Variants in NDUFAF2 observed in about 807,000 individuals in gnomAD.
The protein encoded by NDUFAF2 is NADH:ubiquinone oxidoreductase complex assembly factor 2, also known as NADH dehydrogenase [ubiquinone] 1 alpha subcomplex assembly factor 2.
NDUFAF2 carries 13 observed loss-of-function variants against 22.8 expected under a neutral mutation model. That is an observed-to-expected ratio of 0.57 (90% CI 0.37 to 0.91). The LOEUF (loss-of-function observed/expected upper bound fraction) is 0.91, where lower values mean the gene tolerates loss of function less well. NDUFAF2 is among the 40% of genes least tolerant of loss of function. The pLI, the probability that NDUFAF2 is intolerant of heterozygous loss-of-function variation, is 0.01. For synonymous variants in NDUFAF2, 53 were observed against 64.2 expected (o/e 0.83, Z 0.84); for missense variants, 162 against 195.2 (o/e 0.83, Z 1.01).
chr5:61,040,205 G>A lies in NDUFAF2; in HGVS notation c.128-32920G>A, dbSNP rs1751853489. 3.3e-5 allele frequency among the ~76,000 whole-genome samples: 5 copies of A among 149,472 alleles called. No individual in the cohort carries two copies. The South Asian group carries it at 1.1e-3, about 32-fold the overall frequency. The stretch of plus-strand genomic sequence containing the variant: ...TAAGTTAAGATGGGATCAGATTATG[G>A]TCGACTCTAAATCTAATGACTGGTA... On this transcript the variant is annotated intron_variant, in intron 1 of 3. Coordinates refer to ENST00000296597, the MANE Select transcript of NDUFAF2 (RefSeq NM_174889.5).
chr5:61,048,936 T>A (rs1751989167), intron 1 of NDUFAF2, among the ~76,000 whole-genome samples: 1 of 152,138 alleles, frequency 6.6e-6, no homozygotes, highest in Non-Finnish European at 1.5e-5. Context: ...TCAGGCTGCG[T>A]GGTTATGTCT....
chr5:61,083,599 G>A (rs896517030), intron 2 of NDUFAF2, among the ~76,000 whole-genome samples: 9 of 145,080 alleles, frequency 6.2e-5, no homozygotes, highest in African/African-American at 2.2e-4. Context: ...ACCATGTTGA[G>A]ATCCTGACCT....
chr5:61,046,433 T>C (rs1443636014), intron 1 of NDUFAF2, among the ~76,000 whole-genome samples: 1 of 152,156 alleles, frequency 6.6e-6, no homozygotes, highest in African/African-American at 2.4e-5. Flanking sequence ...TGAGCTTTTC[T>C]TTGATGGGAG....
intron 1 of NDUFAF2, 159 bp downstream of exon 1, chr5:60,945,541 C>A: frequency 8.9e-7 from 1 of 1,123,226 alleles, no homozygotes; most frequent in South Asian, 1.4e-5. Context: ...GACCCCTTCA[C>A]TCTGGCATCG....
At chr5:60,985,519 C>T (rs1257398410) in intron 1 of NDUFAF2, among the ~76,000 whole-genome samples, 2 of 152,092 alleles carry the variant, frequency 1.3e-5, no homozygotes, top group Non-Finnish European at 2.9e-5. Flanking sequence ...CTTGCTTTCT[C>T]TTGTGGGCAT....
chr5:61,091,739 G>T (rs919963718), intron 2 of NDUFAF2, among the ~76,000 whole-genome samples: 2 of 151,920 alleles, frequency 1.3e-5, no homozygotes, highest in Non-Finnish European at 2.9e-5. Flanking sequence ...ATTTTGTTTT[G>T]AGAATTGGTG....
chr5:61,088,011 G>C (rs559244099), intron 2 of NDUFAF2, among the ~76,000 whole-genome samples: 1 of 152,160 alleles, frequency 6.6e-6, no homozygotes, highest in Non-Finnish European at 1.5e-5. Flanking sequence ...TCAACCCAAG[G>C]CTGGGTTCTC....
At chr5:61,147,669 C>G (rs1342711755) in intron 3 of NDUFAF2, among the ~76,000 whole-genome samples, 2 of 151,898 alleles carry the variant, frequency 1.3e-5, no homozygotes, top group African/African-American at 4.8e-5. Context: ...ACTGTACTTT[C>G]CAATATAGTG....
chr5:61,025,842 CTT>C (rs1421369268), intron 1 of NDUFAF2, among the ~76,000 whole-genome samples: 7 of 151,984 alleles, frequency 4.6e-5, no homozygotes, highest in South Asian at 2.1e-4. Flanking sequence ...AAATAAGTCT[CTT>C]GGGGTGAAAA....
chr5:61,079,951 G>A (rs552821661), intron 2 of NDUFAF2, among the ~76,000 whole-genome samples: 6 of 152,258 alleles, frequency 3.9e-5, no homozygotes, highest in African/African-American at 1.2e-4. Context: ...TTTATTTAAC[G>A]TTCTCTGAGA....
chr5:61,009,017 G>A (rs1466010921), intron 1 of NDUFAF2, among the ~76,000 whole-genome samples: 1 of 151,532 alleles, frequency 6.6e-6, no homozygotes. Flanking sequence ...ATTTCTAGGG[G>A]GCATGTAAAT....
chr5:60,983,487 C>T (rs1751017837), intron 1 of NDUFAF2, among the ~76,000 whole-genome samples: 1 of 146,622 alleles, frequency 6.8e-6, no homozygotes, highest in Non-Finnish European at 1.5e-5. Flanking sequence ...TGCCTATGTC[C>T]TGAATGGTAT....
At chr5:61,051,712 ATT>A (rs140062234) in intron 1 of NDUFAF2, among the ~76,000 whole-genome samples, 2,011 of 152,266 alleles carry the variant, frequency 0.013, 49 homozygotes, top group African/African-American at 0.046. Flanking sequence ...CAATAAAACT[ATT>A]ATAAGATCAT....
chr5:61,071,720 T>C (rs1337453423), intron 1 of NDUFAF2, among the ~76,000 whole-genome samples: 1 of 152,218 alleles, frequency 6.6e-6, no homozygotes, highest in African/African-American at 2.4e-5. Flanking sequence ...GCCATGCTGC[T>C]CCCTTTATCA....
rs74815053 is a variant in NDUFAF2, at chr5:61,088,097, G to C, written c.218-10895G>C. 1.1e-3 allele frequency among the ~76,000 whole-genome samples: 166 copies of C among 152,106 alleles called. 1 individual carries two copies. In the East Asian group the frequency reaches 0.015, roughly 14 times the overall value. ...TGGCAGCATTCAGTTCATTGCTGTTGTAAGACTGAGAGCTTCACTTTTTCA... is the reference window on the plus strand; with the variant it reads ...TGGCAGCATTCAGTTCATTGCTGTTCTAAGACTGAGAGCTTCACTTTTTCA... On this transcript the variant is annotated intron_variant, in intron 2 of 3. Coordinates refer to ENST00000296597, the MANE Select transcript of NDUFAF2 (RefSeq NM_174889.5).
intron 1 of NDUFAF2, among the ~76,000 whole-genome samples, chr5:61,034,514 T>C (rs2112611545): frequency 6.6e-6 from 1 of 152,290 alleles, no homozygotes; most frequent in East Asian, 1.9e-4. Context: ...CTGTCATAGA[T>C]GTGGTCCGTC....
At chr5:61,107,044 T>TACACACACACACACACACACACACACAC (rs71578646) in intron 3 of NDUFAF2, among the ~76,000 whole-genome samples, 9 of 64,800 alleles carry the variant, frequency 1.4e-4, no homozygotes, top group African/African-American at 6.3e-4. Context: ...TTTGGATAAA[T>TACACACACACACACACACACACACACAC]ATACACACAC....
chr5:61,024,875 C>G (rs554046146), intron 1 of NDUFAF2, among the ~76,000 whole-genome samples: 66 of 152,188 alleles, frequency 4.3e-4, no homozygotes, highest in African/African-American at 1.5e-3. Flanking sequence ...GCCTTGTTCT[C>G]TGTTTCCAAT....
intron 3 of NDUFAF2, among the ~76,000 whole-genome samples, chr5:61,120,180 C>A (rs567283853): frequency 2.6e-5 from 4 of 152,120 alleles, no homozygotes; most frequent in Non-Finnish European, 5.9e-5. Flanking sequence ...TTGATAATGA[C>A]CTCTACCTCT....
Sources: allele counts gnomAD v4.1 joint callset (sites outside exome capture counted in the v4.1 genomes callset), GRCh38; gene constraint gnomAD v4.1.1; transcripts MANE v1.5; gene names NCBI Gene and HGNC (gene_info 2026-07-23, HGNC 2026-07-21).